Variants in CNTNAP2 observed in about 807,000 individuals in gnomAD.
CNTNAP2 encodes contactin-associated protein-like 2.
CNTNAP2 carries 98 observed loss-of-function variants against 155.2 expected under a neutral mutation model. That is an observed-to-expected ratio of 0.63 (90% CI 0.54 to 0.75). CNTNAP2 has a LOEUF of 0.75. Among genes scored for constraint, CNTNAP2 ranks in the 30% least tolerant of loss-of-function variants. CNTNAP2 has a pLI of 0.00. For missense variants in CNTNAP2, 1,727 were observed against 1,688.1 expected (o/e 1.02, Z -0.40); for synonymous variants, 651 against 631.2 (o/e 1.03, Z -0.47).
At chr7:148,106,606 C>G (rs986369769) in intron 15 of CNTNAP2, among the ~76,000 whole-genome samples, 1 of 151,290 alleles carries the variant, frequency 6.6e-6, no homozygotes, top group Non-Finnish European at 1.5e-5. Context: ...AGCAATCCAC[C>G]GGCTTCAGCC....
At chr7:147,430,680 A>G (rs940603690) in intron 10 of CNTNAP2, among the ~76,000 whole-genome samples, 1 of 152,138 alleles carries the variant, frequency 6.6e-6, no homozygotes, top group African/African-American at 2.4e-5. Context: ...ATTACAGTAC[A>G]TTATGATGAG....
chr7:146,353,208 C>T (rs1239543256), intron 1 of CNTNAP2, among the ~76,000 whole-genome samples: 1 of 152,088 alleles, frequency 6.6e-6, no homozygotes, highest in Non-Finnish European at 1.5e-5. Flanking sequence ...TTGTCAATGC[C>T]GTACATATTA....
At chr7:146,130,230 G>A (rs191171540) in intron 1 of CNTNAP2, among the ~76,000 whole-genome samples, 60 of 152,310 alleles carry the variant, frequency 3.9e-4, no homozygotes, top group African/African-American at 1.4e-3. Flanking sequence ...GGGAGGCCGA[G>A]GCAAGAGGAT....
intron 4 of CNTNAP2, among the ~76,000 whole-genome samples, chr7:147,090,373 A>G (rs1201992350): frequency 6.6e-6 from 1 of 150,646 alleles, no homozygotes; most frequent in East Asian, 1.9e-4. Flanking sequence ...TGGTATTTAC[A>G]ACAAGGGCTG....
chr7:147,746,497 T>A (rs181065511), intron 13 of CNTNAP2, among the ~76,000 whole-genome samples: 1 of 152,228 alleles, frequency 6.6e-6, no homozygotes, highest in East Asian at 1.9e-4. Flanking sequence ...ATCAATAAAA[T>A]CTTCCCTACC....
intron 15 of CNTNAP2, among the ~76,000 whole-genome samples, chr7:148,088,876 T>C (rs1260241776): frequency 1.3e-5 from 2 of 151,988 alleles, no homozygotes; most frequent in East Asian, 1.9e-4. Context: ...TACATGCCCA[T>C]ATTCCTAATG....
chr7:146,957,994 A>C (rs1797470811), intron 3 of CNTNAP2, among the ~76,000 whole-genome samples: 1 of 152,196 alleles, frequency 6.6e-6, no homozygotes, highest in Admixed American at 6.5e-5. Context: ...GTGAGGCATG[A>C]CCATTAGAAT....
At chr7:146,494,835 C>T (rs547105420) in intron 1 of CNTNAP2, among the ~76,000 whole-genome samples, 5 of 152,082 alleles carry the variant, frequency 3.3e-5, no homozygotes, top group Non-Finnish European at 7.4e-5. Context: ...TTTTATTTTC[C>T]CTTCACAAAT....
chr7:147,395,558 G>A, intron 9 of CNTNAP2, 51 bp from the exon 10 acceptor site: 3 of 1,585,972 alleles, frequency 1.9e-6, no homozygotes, highest in Non-Finnish European at 2.6e-6. Context: ...GAATTTTAGT[G>A]AAGGTTATAC....
chr7:146,539,856 T>C (rs1337341084), intron 1 of CNTNAP2, among the ~76,000 whole-genome samples: 1 of 152,150 alleles, frequency 6.6e-6, no homozygotes, highest in Admixed American at 6.6e-5. Flanking sequence ...TTTGTTGTAT[T>C]GACTGTTAAT....
At chr7:148,338,656 T>A (rs1202011644) in intron 21 of CNTNAP2, among the ~76,000 whole-genome samples, 1 of 152,148 alleles carries the variant, frequency 6.6e-6, no homozygotes, top group African/African-American at 2.4e-5. Context: ...CAATAAGCAT[T>A]TTCTGCTCTT....
intron 9 of CNTNAP2, among the ~76,000 whole-genome samples, chr7:147,377,578 T>C (rs1796457807): frequency 6.6e-6 from 1 of 151,874 alleles, no homozygotes; most frequent in South Asian, 2.1e-4. Context: ...TGGGAATGTG[T>C]TGGTACTAAG....
At chr7:146,270,073 A>G (rs1024905733) in intron 1 of CNTNAP2, among the ~76,000 whole-genome samples, 3 of 152,060 alleles carry the variant, frequency 2.0e-5, no homozygotes, top group Non-Finnish European at 4.4e-5. Flanking sequence ...TCTTATTGGG[A>G]CCATTTCAAG....
intron 8 of CNTNAP2, among the ~76,000 whole-genome samples, chr7:147,183,693 C>T (rs148800058): frequency 1.3e-5 from 2 of 152,270 alleles, no homozygotes; most frequent in East Asian, 3.9e-4. Context: ...ATCAATATCA[C>T]GGGCTTGGGA....
intron 15 of CNTNAP2, among the ~76,000 whole-genome samples, chr7:148,059,631 AT>A (rs1803094284): frequency 6.7e-6 from 1 of 150,278 alleles, no homozygotes; most frequent in South Asian, 2.1e-4. Context: ...AAAATTCATC[AT>A]GCTGTATACT....
intron 8 of CNTNAP2, among the ~76,000 whole-genome samples, chr7:147,286,116 T>C (rs988648513): frequency 1.3e-5 from 2 of 152,106 alleles, no homozygotes; most frequent in Non-Finnish European, 2.9e-5. Flanking sequence ...CAAATAGATA[T>C]ATCCTCAGAA....
intron 13 of CNTNAP2, among the ~76,000 whole-genome samples, chr7:147,699,979 T>G (rs1221327359): frequency 6.6e-6 from 1 of 152,200 alleles, no homozygotes; most frequent in Non-Finnish European, 1.5e-5. Context: ...CATAATGTTT[T>G]TGAGGTTCAT....
At chr7:147,765,736 C>T (rs1797372942) in intron 13 of CNTNAP2, among the ~76,000 whole-genome samples, 1 of 151,940 alleles carries the variant, frequency 6.6e-6, no homozygotes, top group African/African-American at 2.4e-5. Flanking sequence ...CAGGTGTTTA[C>T]CCAAAAGAAA....
chr7:148,331,316 G>A (rs1340720439), intron 21 of CNTNAP2, among the ~76,000 whole-genome samples: 25 of 116,302 alleles, frequency 2.1e-4, no homozygotes, highest in East Asian at 2.6e-4. Context: ...TGGAGTGGAC[G>A]CATGGAATGG....
Sources: gnomAD v4.1 joint callset for allele counts (sites outside exome capture counted in the v4.1 genomes callset) on GRCh38, gnomAD v4.1.1 for gene constraint, MANE v1.5 for transcripts, NCBI Gene and HGNC (gene_info 2026-07-23, HGNC 2026-07-21) for gene names.